The following SYNE2 variants were observed in gnomAD, a reference collection of about 807,000 sequenced individuals.
SYNE2 encodes nesprin-2.
In SYNE2, 431 loss-of-function variants were observed where a neutral mutation model predicts 856.3. That is an observed-to-expected ratio of 0.50 (90% CI 0.47 to 0.55). The LOEUF (loss-of-function observed/expected upper bound fraction) is 0.55, where lower values mean the gene tolerates loss of function less well. SYNE2 is among the 20% of genes least tolerant of loss of function. SYNE2 has a pLI of 0.00. For missense variants in SYNE2, 8,129 were observed against 8,023.2 expected, an observed-to-expected ratio of 1.01 and a Z score of -0.50; for synonymous variants, 2,923 against 2,872.3, an observed-to-expected ratio of 1.02 and a Z score of -0.56.
Position 63,895,104 on chromosome 14 carries a change from CTTTTCTT to C in SYNE2, c.-51-13989_-51-13983del, listed in dbSNP as rs978462966. On this transcript the variant is annotated intron_variant, in intron 1 of 115. Transcript: ENST00000555002. ...TTGAAAGCACATAAATTTCCATTTT[CTTTTCTT>C]TTTTTTTTTTTTGAGATGAAGTCTC... Among the ~76,000 whole-genome samples, 10 of 123,534 alleles carry C rather than the reference CTTTTCTT, an allele frequency of 8.1e-5. No individual in the cohort carries two copies. The South Asian group carries it at 1.7e-3, about 21-fold the overall frequency. The allele number at this position is 123,534 out of a possible 152,430, so 81.0% of individuals were successfully genotyped here. A position where few individuals can be genotyped will look rare whatever the true frequency, so the allele number is the denominator to read the frequency against.
At chr14:64,169,571 A>G (rs2098400336) in intron 93 of SYNE2, among the ~76,000 whole-genome samples, 1 of 152,176 alleles carries the variant, frequency 6.6e-6, no homozygotes, top group South Asian at 2.1e-4. Flanking sequence ...TAAATGTCCT[A>G]ATGGGTATGA....
intron 43 of SYNE2, 140 bp from the exon 44 acceptor site, chr14:64,029,755 C>T (rs1215052051): frequency 9.5e-7 from 1 of 1,051,998 alleles, no homozygotes; most frequent in Non-Finnish European, 1.4e-6. Flanking sequence ...ACTCTAAAAT[C>T]TTTAGAACTC....
In SYNE2 at chr14:64,053,504, G is replaced by A. The variant is rs1235086157; in HGVS notation, c.9591G>A (p.Glu3197=). 1 of 1,614,240 alleles carries A rather than the reference G, an allele frequency of 6.2e-7. No homozygotes were observed. Among genetic ancestry groups the A allele is most frequent in the South Asian group, 1.1e-5 (1 of 91,084 alleles). ...AGGACAATTGTGAAGCATTTCAGGAGCAAGTTTGGGCAGAAATGTGTAGTA... is the reference window on the plus strand; with the variant it reads ...AGGACAATTGTGAAGCATTTCAGGAACAAGTTTGGGCAGAAATGTGTAGTA... ...NEKDNCEAFQ[E]QVWAEMCSIK... Residue 3197 remains glutamate, a synonymous_variant, in exon 48 of 116, where the codon GAG becomes GAA. Transcript: ENST00000555002.
At chr14:63,833,603 G>C (rs1006780393) in intron 1 of SYNE2, among the ~76,000 whole-genome samples, 1 of 152,122 alleles carries the variant, frequency 6.6e-6, no homozygotes. Context: ...TTGAATCATT[G>C]TCTATGGATC....
chr14:63,995,924 G>A (rs950029112), intron 23 of SYNE2, among the ~76,000 whole-genome samples: 2 of 151,964 alleles, frequency 1.3e-5, no homozygotes, highest in South Asian at 2.1e-4. Context: ...GGCTAATTCC[G>A]TGCTTCCCTT....
At chr14:63,850,918 G>T (rs1475412370), upstream of SYNE2, among the ~76,000 whole-genome samples, 1 of 152,146 alleles carries the variant, frequency 6.6e-6, no homozygotes, top group East Asian at 1.9e-4. Flanking sequence ...GAAAGCAATA[G>T]ACATAGAATG....
intron 45 of SYNE2, chr14:64,034,420 A>C (rs2097069008): frequency 2.3e-6 from 1 of 442,012 alleles, no homozygotes. Flanking sequence ...GATTATTTTA[A>C]ATAGACCCCA....
intron 100 of SYNE2, among the ~76,000 whole-genome samples, chr14:64,206,563 CT>C (rs558072315): frequency 2.4e-3 from 312 of 130,626 alleles, no homozygotes; most frequent in Middle Eastern, 4.2e-3. Context: ...AATGTTTGGG[CT>C]TTTTTTTTTT....
Position 64,027,700 on chromosome 14 carries a change from C to G in SYNE2, c.6621C>G (p.Asn2207Lys), listed in dbSNP as rs758732743. The G allele has an allele frequency of 3.7e-6, 6 of 1,614,056 alleles. No individual in the cohort carries two copies. The highest frequency in any genetic ancestry group is 5.1e-6 in the Non-Finnish European group (6 of 1,179,944). Reference sequence around the variant, plus strand: ...TAAAGGAGTTAAAATCTCAGGGAAACTACCTCTTGGAGTGCACTAAAAATC... The same window carrying G: ...TAAAGGAGTTAAAATCTCAGGGAAAGTACCTCTTGGAGTGCACTAAAAATC... The part of the protein sequence containing the change: ...SLLKELKSQG[N>K]YLLECTKNPS... The change falls in exon 43 of 116, where the codon AAC becomes AAG. Residue 2207 changes from asparagine (N) to lysine (K), a missense_variant. By Grantham distance (94) the Asn-to-Lys change is moderately conservative (BLOSUM62 0). Coordinates refer to ENST00000555002, the MANE Select transcript of SYNE2 (RefSeq NM_182914.3).
At chr14:64,009,917 G>C (rs1184950322) in intron 31 of SYNE2, 49 bp from the exon 32 acceptor site, 2 of 1,542,284 alleles carry the variant, frequency 1.3e-6, no homozygotes, top group Admixed American at 3.4e-5. Context: ...AGAAAGAACG[G>C]TTTTGCTATT....
chr14:64,168,780 A>G (rs2098396102), intron 92 of SYNE2, 97 bp from the exon 93 acceptor site: 1 of 862,038 alleles, frequency 1.2e-6, no homozygotes, highest in African/African-American at 1.7e-5. Flanking sequence ...TATCCCTCAT[A>G]TCCTTTGTAA....
intron 115 of SYNE2, 94 bp downstream of exon 115, chr14:64,225,139 A>C (rs1412371944): frequency 6.4e-7 from 1 of 1,565,928 alleles, no homozygotes; most frequent in Non-Finnish European, 8.8e-7. Context: ...TCCTTGCAAA[A>C]ATCTGGTTTT....
At chr14:63,976,132 G>A (rs577689680) in intron 11 of SYNE2, among the ~76,000 whole-genome samples, 3 of 152,304 alleles carry the variant, frequency 2.0e-5, no homozygotes, top group African/African-American at 7.2e-5. Flanking sequence ...ATGTCATGTG[G>A]ATATACAGTT....
At chr14:63,927,127 C>T (rs2095678338) in intron 2 of SYNE2, among the ~76,000 whole-genome samples, 1 of 152,178 alleles carries the variant, frequency 6.6e-6, no homozygotes, top group African/African-American at 2.4e-5. Flanking sequence ...GGATTTTGCT[C>T]ATGTTGCTAA....
intron 104 of SYNE2, 76 bp downstream of exon 104, chr14:64,212,174 C>T (rs2098644993): frequency 6.2e-7 from 1 of 1,605,276 alleles, no homozygotes; most frequent in Non-Finnish European, 8.5e-7. Flanking sequence ...GTGCAAATTT[C>T]ACACGATACT....
At chr14:63,893,910 G>A (rs764677240) in intron 1 of SYNE2, among the ~76,000 whole-genome samples, 3 of 152,308 alleles carry the variant, frequency 2.0e-5, no homozygotes, top group Admixed American at 6.5e-5. Context: ...CGAGCTAGGC[G>A]ATGGGAGTCA....
intron 58 of SYNE2, among the ~76,000 whole-genome samples, chr14:64,088,472 GT>G (rs1349193942): frequency 6.6e-6 from 1 of 152,118 alleles, no homozygotes; most frequent in Non-Finnish European, 1.5e-5. Flanking sequence ...AAAAGAGATA[GT>G]TCTGGCTGGG....
intron 8 of SYNE2, 77 bp downstream of exon 8, chr14:63,954,992 G>T (rs527481262): frequency 1.6e-6 from 2 of 1,215,958 alleles, no homozygotes; most frequent in South Asian, 1.2e-5. Flanking sequence ...ATCTATACAT[G>T]AATAAACATA....
chr14:64,052,234 G>T lies in SYNE2; in HGVS notation c.8321G>T (p.Gly2774Val). 1 of 1,614,124 alleles carries T rather than the reference G, an allele frequency of 6.2e-7. No homozygotes were observed. Among genetic ancestry groups the T allele is most frequent in the Non-Finnish European group, 8.5e-7 (1 of 1,180,032 alleles). ...QIRKCKVTHD[G>V]ILARQQSVES... ...AGAAAGTGCAAAGTGACACATGATG[G>T]CATTCTAGCTAGGCAGCAGTCTGTG... is the stretch of plus-strand genomic sequence containing the variant. Residue 2774 changes from glycine to valine, a missense_variant, in exon 48 of 116, where the codon GGC becomes GTC. Transcript: ENST00000555002.
Sources: gnomAD v4.1 joint callset for allele counts (sites outside exome capture counted in the v4.1 genomes callset) on GRCh38, gnomAD v4.1.1 for gene constraint, MANE v1.5 for transcripts, NCBI Gene and HGNC (gene_info 2026-07-23, HGNC 2026-07-21) for gene names.